PM20D1: variants seen among roughly 807,000 people sequenced by gnomAD.
The protein encoded by PM20D1 is N-fatty-acyl-amino acid synthase/hydrolase PM20D1.
PM20D1 carries 53 observed loss-of-function variants against 53.8 expected under a neutral mutation model. The observed-to-expected ratio is 0.98, with a 90% confidence interval of 0.79 to 1.24. The LOEUF is 1.24. Among genes scored for constraint, PM20D1 ranks in the 50% most tolerant of loss-of-function variants. PM20D1 has a pLI of 0.00. For synonymous variants in PM20D1, 239 were observed against 241.3 expected (o/e 0.99, Z 0.09); for missense variants, 564 against 616.8 (o/e 0.91, Z 0.91).
intron 11 of PM20D1, among the ~76,000 whole-genome samples, chr1:205,830,803 T>C (rs1196363742): frequency 6.6e-6 from 1 of 151,628 alleles, no homozygotes; most frequent in Non-Finnish European, 1.5e-5. Flanking sequence ...AGTATCTTCA[T>C]TTCATACCCA....
chr1:205,843,072 C>T (rs1203966406), intron 6 of PM20D1, among the ~76,000 whole-genome samples: 1 of 152,204 alleles, frequency 6.6e-6, no homozygotes, highest in Non-Finnish European at 1.5e-5. Context: ...GAATATAGCA[C>T]TCCTTCCCAC....
chr1:205,845,454 G>T lies in PM20D1; in HGVS notation c.360C>A (p.Tyr120Ter). 1 of 1,614,216 alleles carries T rather than the reference G, an allele frequency of 6.2e-7. No individual in the cohort carries two copies. Among genetic ancestry groups the T allele is most frequent in the Non-Finnish European group, 8.5e-7 (1 of 1,180,044 alleles). Residue 120 changes from tyrosine (Y) to a stop codon, truncating the protein, a stop_gained, in exon 3 of 13, where the codon TAC becomes TAA. Transcript: ENST00000367136. LOFTEE classifies it high-confidence loss of function. The part of the protein sequence containing the change: ...IQGSDPSLQP[Y>*]LLMAHFDVVP... ...CCACATCAAAGTGAGCCATCAGCAG[G>T]TAGGGCTGCAAGCTGGGGTCCGAGC...
Position 205,844,807 on chromosome 1 carries a change from C to T in PM20D1, c.576+4G>A. On this transcript the variant is annotated splice_donor_region_variant and intron_variant, in intron 4 of 12. Transcript: ENST00000367136. Reference sequence around the variant, plus strand: ...GAGATAGGTATAAGGTGAGGAGGCTCTACCTCCTCATCATGGCCCAGAGAA... The same window carrying T: ...GAGATAGGTATAAGGTGAGGAGGCTTTACCTCCTCATCATGGCCCAGAGAA... 6.2e-7 allele frequency: 1 copy of T among 1,609,424 alleles called. No homozygotes were observed.
intron 9 of PM20D1, 92 bp downstream of exon 9, chr1:205,841,719 A>G: frequency 1.6e-6 from 2 of 1,286,570 alleles, no homozygotes; most frequent in Non-Finnish European, 2.2e-6. Flanking sequence ...TGACACACAC[A>G]GAAGGAAGGA....
chr1:205,835,390 A>C (rs1384413856), intron 10 of PM20D1, among the ~76,000 whole-genome samples: 1 of 152,182 alleles, frequency 6.6e-6, no homozygotes, highest in Non-Finnish European at 1.5e-5. Context: ...CACCTACCTC[A>C]TAAGTGGTGG....
chr1:205,849,733 C>T (rs1043331763), intron 1 of PM20D1, among the ~76,000 whole-genome samples, 171 bp downstream of exon 1: 14 of 151,980 alleles, frequency 9.2e-5, no homozygotes, highest in Non-Finnish European at 1.9e-4. Context: ...GTGGCGTCCC[C>T]AGACAGGGGC....
chr1:205,843,821 T>C (rs999336724), intron 5 of PM20D1, 35 bp from the exon 6 acceptor site: 2 of 1,604,146 alleles, frequency 1.2e-6, no homozygotes, highest in Non-Finnish European at 1.7e-6. Flanking sequence ...TCTCCTGACT[T>C]CTTGCCTCTC....
chr1:205,843,667 C>G lies in PM20D1; in HGVS notation c.827G>C (p.Arg276Pro), dbSNP rs200000811. 5.6e-6 allele frequency: 9 copies of G among 1,612,928 alleles called. No individual in the cohort carries two copies. In the Admixed American group the frequency reaches 6.7e-5, roughly 12 times the overall value. The change falls in exon 6 of 13, where the codon CGA (arginine) becomes CCA (proline). Residue 276 changes from arginine to proline, a missense_variant and splice_region_variant. Coordinates refer to ENST00000367136, the MANE Select transcript of PM20D1 (RefSeq NM_152491.5). The part of the protein sequence containing the change: ...SIGILAAAVS[R>P]LEQTPMPIIF... ...GGGAACAGGGCCAGGAGTTGCTTAC[C>G]GGCTGACAGCAGCTGCAAGGATGCC...
At chr1:205,830,033 TC>T (rs546175428) in intron 12 of PM20D1, 3 of 403,094 alleles carry the variant, frequency 7.4e-6, no homozygotes, top group Non-Finnish European at 1.4e-5. Flanking sequence ...CACCAGGTTC[TC>T]CCCAATCACC....
intron 5 of PM20D1, 49 bp downstream of exon 5, chr1:205,844,038 A>G (rs369723020): frequency 8.7e-5 from 137 of 1,572,684 alleles, no homozygotes; most frequent in Non-Finnish European, 1.1e-4. Context: ...GGTCATCTCA[A>G]ATGGGGTGAG....
chr1:205,850,023 A>T lies in PM20D1; in HGVS notation c.50T>A (p.Leu17Gln), dbSNP rs1030631809. Reference protein sequence around the residue: ...CVLALVAMLLLVFPTVSRSMG... With the variant: ...CVLALVAMLLQVFPTVSRSMG... ...CGATCTGGAGACGGTAGGGAAAACTAGGAGCAGCATAGCCACCAGGGCCAG... is the reference window on the plus strand; with the variant it reads ...CGATCTGGAGACGGTAGGGAAAACTTGGAGCAGCATAGCCACCAGGGCCAG... Residue 17 changes from leucine (L) to glutamine (Q), a missense_variant, in exon 1 of 13, where the codon CTA (leucine) becomes CAA (glutamine). By Grantham distance (113) the Leu-to-Gln change is moderately radical. Transcript: ENST00000367136. The T allele has an allele frequency of 4.3e-6, 7 of 1,614,010 alleles. No individual in the cohort carries two copies. The highest frequency in any genetic ancestry group is 5.1e-6 in the Non-Finnish European group (6 of 1,180,026).
At chr1:205,847,121 A>G (rs1242961238) in intron 2 of PM20D1, among the ~76,000 whole-genome samples, 2 of 128,590 alleles carry the variant, frequency 1.6e-5, no homozygotes, top group Non-Finnish European at 3.2e-5. Flanking sequence ...GGAATCCAGC[A>G]ACCCTCCCAC....
rs1656489912 is a variant in PM20D1, at chr1:205,828,535, C to A, written c.*85G>T. On this transcript the variant is annotated 3_prime_UTR_variant, in exon 13 of 13. Transcript: ENST00000367136. The stretch of plus-strand genomic sequence containing the variant: ...CAATGTTTTACAATGTGGTTTTGAT[C>A]AAAAGTTTCATCAACACTAGCTTTC... 5.8e-6 allele frequency: 9 copies of A among 1,549,160 alleles called. No homozygotes were observed. Among genetic ancestry groups the A allele is most frequent in the African/African-American group, 2.7e-5 (2 of 73,164 alleles).
In PM20D1 at chr1:205,850,099, C is replaced by G. The variant is rs1450515647; in HGVS notation, c.-27G>C. 2 of 1,605,086 alleles carry G rather than the reference C, an allele frequency of 1.2e-6. No individual in the cohort carries two copies. Among genetic ancestry groups the G allele is most frequent in the Admixed American group, 3.4e-5 (2 of 59,544 alleles). ...CTTCTCTCGAGCTCCTGCTGTCAGG[C>G]TACCGGGGTAGTTCTGACCTAAACG... On this transcript the variant is annotated 5_prime_UTR_variant, in exon 1 of 13. Coordinates refer to ENST00000367136, the MANE Select transcript of PM20D1 (RefSeq NM_152491.5).
In PM20D1 at chr1:205,838,184, G is replaced by T. The variant is rs138547817; in HGVS notation, c.1116+2068C>A. ...CCTTGATGATCTGTGGCACAGAACT[G>T]CCCCTAACCCTGGTATATTCTGGAA... On this transcript the variant is annotated intron_variant, in intron 10 of 12. Transcript: ENST00000367136. Among the ~76,000 whole-genome samples, 1,093 of 152,282 alleles carry T rather than the reference G, an allele frequency of 7.2e-3. 14 individuals are homozygous for T. The highest frequency in any genetic ancestry group is 0.025 in the African/African-American group (1,051 of 41,538).
At chr1:205,829,834 T>A (rs1402315769) in intron 12 of PM20D1, 1 of 155,294 alleles carries the variant, frequency 6.4e-6, no homozygotes, top group Admixed American at 6.3e-5. Flanking sequence ...GGTGCTCACA[T>A]CTTGGATTTC....
chr1:205,835,956 A>G (rs1656678247), intron 10 of PM20D1, among the ~76,000 whole-genome samples: 1 of 151,930 alleles, frequency 6.6e-6, no homozygotes. Flanking sequence ...GCTCACTGCA[A>G]CCTCTGCCTC....
intron 10 of PM20D1, among the ~76,000 whole-genome samples, chr1:205,837,529 G>C (rs1043709728): frequency 6.6e-6 from 1 of 152,228 alleles, no homozygotes; most frequent in African/African-American, 2.4e-5. Flanking sequence ...GGGGCGGCCT[G>C]TGTTCCTGCT....
At chr1:205,830,893 G>A (rs1250299583) in intron 11 of PM20D1, among the ~76,000 whole-genome samples, 1 of 152,136 alleles carries the variant, frequency 6.6e-6, no homozygotes, top group Non-Finnish European at 1.5e-5. Context: ...ATGGCCATTT[G>A]CTATTTAAGA....
Sources: gnomAD v4.1 joint callset for allele counts (sites outside exome capture counted in the v4.1 genomes callset) on GRCh38, gnomAD v4.1.1 for gene constraint, MANE v1.5 for transcripts, NCBI Gene and HGNC (gene_info 2026-07-23, HGNC 2026-07-21) for gene names.